CACNG5: variants seen among roughly 807,000 people sequenced by gnomAD.
CACNG5 encodes voltage-dependent calcium channel gamma-5 subunit.
CACNG5 carries 18 observed loss-of-function variants against 24.8 expected under a neutral mutation model. The observed-to-expected ratio is 0.73, with a 90% CI of 0.50 to 1.08. CACNG5 has a LOEUF of 1.08. Among genes scored for constraint, CACNG5 ranks in the 50% least tolerant of loss-of-function variants. The pLI, the probability that CACNG5 is intolerant of heterozygous loss-of-function variation, is 0.00. For synonymous variants in CACNG5, 157 were observed against 149.1 expected, an observed-to-expected ratio of 1.05 and a Z score of -0.39; for missense variants, 349 against 367.9, an observed-to-expected ratio of 0.95 and a Z score of 0.42.
Position 66,835,863 on chromosome 17 carries a change from G to A in CACNG5, c.-104+613G>A, listed in dbSNP as rs557154948. Among the ~76,000 whole-genome samples the A allele has an allele frequency of 2.0e-5, 3 of 152,128 alleles. No homozygotes were observed. The East Asian group carries it at 5.8e-4, about 29-fold the overall frequency. On this transcript the variant is annotated intron_variant, in intron 1 of 5. Coordinates refer to ENST00000533854, the MANE Select transcript of CACNG5 (RefSeq NM_145811.3). ...GGGGACCCCACCGCAGGTGCTGGGC[G>A]TGAGGTGTCAACCACCCAGGCACAC...
At position 66,887,004 on chromosome 17, in the gene CACNG5, C is replaced by T. The variant is rs1399714075; in HGVS notation, c.*1764C>T. Among the ~76,000 whole-genome samples the T allele has an allele frequency of 6.6e-6, 1 of 152,160 alleles. No homozygotes were observed. The highest frequency in any genetic ancestry group is 2.4e-5 in the African/African-American group (1 of 41,428). On this transcript the variant is annotated 3_prime_UTR_variant, in exon 6 of 6. Transcript: ENST00000533854. Reference sequence around the variant, plus strand: ...CCAGTCAGATTGGATTCGGGTCCATCCCCGATTAATTGGTGGTTAATTTTC... The same window carrying T: ...CCAGTCAGATTGGATTCGGGTCCATTCCCGATTAATTGGTGGTTAATTTTC...
Position 66,877,295 on chromosome 17 carries a change from G to T in CACNG5, c.-38G>T, listed in dbSNP as rs1327830487. The T allele has an allele frequency of 2.5e-6, 4 of 1,580,660 alleles. No individual in the cohort carries two copies. Among genetic ancestry groups the T allele is most frequent in the Non-Finnish European group, 3.5e-6 (4 of 1,154,954 alleles). On this transcript the variant is annotated 5_prime_UTR_variant, in exon 2 of 6. Transcript: ENST00000533854. ...CCCAGAGCGCAGTCCGTGCTGGTGG[G>T]AGCGTGGCGACTAGTTGCACAGCAA...
At chr17:66,858,567 G>A (rs1976812365) in intron 1 of CACNG5, among the ~76,000 whole-genome samples, 1 of 152,166 alleles carries the variant, frequency 6.6e-6, no homozygotes. Flanking sequence ...GGTGGCATGA[G>A]CCAGGCTGAG....
rs987020608 is a variant in CACNG5 at position 66,887,214 on chromosome 17, C to T, written c.*1974C>T. Among the ~76,000 whole-genome samples, 2 of 152,100 alleles carry T rather than the reference C, an allele frequency of 1.3e-5. No individual in the cohort carries two copies. The highest frequency in any genetic ancestry group is 4.8e-5 in the African/African-American group (2 of 41,416). ...GGGTAAGAGAAGCCAGTTCTGGTCC[C>T]AATTCAGCCACTCATTCACCACGAA... On this transcript the variant is annotated 3_prime_UTR_variant, in exon 6 of 6. Coordinates refer to ENST00000533854, the MANE Select transcript of CACNG5 (RefSeq NM_145811.3).
chr17:66,845,947 C>T (rs1185109433), intron 1 of CACNG5, among the ~76,000 whole-genome samples: 2 of 152,162 alleles, frequency 1.3e-5, no homozygotes, highest in East Asian at 1.9e-4. Flanking sequence ...GACCTGACCT[C>T]CTGCCTCTTG....
chr17:66,882,813 C>G (rs1977180570), intron 4 of CACNG5, among the ~76,000 whole-genome samples: 1 of 152,074 alleles, frequency 6.6e-6, no homozygotes, highest in Admixed American at 6.5e-5. Context: ...ACCAAGCATT[C>G]TGATTACCAC....
chr17:66,838,780 A>G (rs1976519425), intron 1 of CACNG5, among the ~76,000 whole-genome samples: 1 of 152,044 alleles, frequency 6.6e-6, no homozygotes, highest in South Asian at 2.1e-4. Flanking sequence ...AGCACCTGCT[A>G]TGCATGTGCT....
intron 1 of CACNG5, among the ~76,000 whole-genome samples, chr17:66,867,144 T>C (rs1976940533): frequency 1.3e-5 from 2 of 152,216 alleles, no homozygotes; most frequent in South Asian, 4.1e-4. Flanking sequence ...GTTTCTTGAC[T>C]TTTTAATAAT....
intron 1 of CACNG5, among the ~76,000 whole-genome samples, chr17:66,842,923 G>A (rs996030497): frequency 9.2e-5 from 14 of 152,308 alleles, no homozygotes; most frequent in Middle Eastern, 3.4e-3. Context: ...TGGGCAAGTG[G>A]GACAGATGGC....
Position 66,851,197 on chromosome 17 carries a change from C to T in CACNG5, c.-104+15947C>T, listed in dbSNP as rs1476639470. 5.9e-5 allele frequency among the ~76,000 whole-genome samples: 9 copies of T among 152,144 alleles called. No homozygotes were observed. In the East Asian group the frequency reaches 1.7e-3, roughly 29 times the overall value. ...AAACAAAGACCGAAGAATGAGCTGCCCACAGGTACAGAATCTAAGTTTCTA... is the reference window on the plus strand; with the variant it reads ...AAACAAAGACCGAAGAATGAGCTGCTCACAGGTACAGAATCTAAGTTTCTA... On this transcript the variant is annotated intron_variant, in intron 1 of 5. Coordinates refer to ENST00000533854, the MANE Select transcript of CACNG5 (RefSeq NM_145811.3).
chr17:66,888,508 C>T lies in CACNG5; in HGVS notation c.*3268C>T, dbSNP rs139074868. The stretch of plus-strand genomic sequence containing the variant: ...GCAGTGAGCCGAGATCGCACCACTG[C>T]ACTCCAGCCTGGGTGACAGAGCGAG... On this transcript the variant is annotated 3_prime_UTR_variant, in exon 6 of 6. Transcript: ENST00000533854. Among the ~76,000 whole-genome samples, 10,762 of 134,828 alleles carry T rather than the reference C, an allele frequency of 0.08. 719 individuals are homozygous for T. Among genetic ancestry groups the T allele is most frequent in the African/African-American group, 0.2 (7,003 of 35,660 alleles). The allele number at this position is 134,828 out of a possible 152,430, so 88.5% of individuals were successfully genotyped here.
Position 66,884,616 on chromosome 17 carries a change from T to C in CACNG5, c.525T>C (p.Tyr175=), listed in dbSNP as rs141709912. 7.7e-5 allele frequency: 124 copies of C among 1,614,152 alleles called. No homozygotes were observed. In the African/African-American group the frequency reaches 1.5e-3, roughly 19 times the overall value. The change falls in exon 5 of 6, where the codon TAT becomes TAC. Residue 175 remains tyrosine (Y), a synonymous_variant. Coordinates refer to ENST00000533854, the MANE Select transcript of CACNG5 (RefSeq NM_145811.3). ...KDAETYFNYK[Y]GWSFAFAAIS... ...CAGAGACCTACTTCAACTACAAGTATGGGTGGTCGTTTGCCTTCGCCGCCA... is the reference window on the plus strand; with the variant it reads ...CAGAGACCTACTTCAACTACAAGTACGGGTGGTCGTTTGCCTTCGCCGCCA...
intron 1 of CACNG5, among the ~76,000 whole-genome samples, chr17:66,851,333 G>A (rs1254670454): frequency 6.6e-6 from 1 of 152,206 alleles, no homozygotes; most frequent in Non-Finnish European, 1.5e-5. Context: ...CCACTTTCCA[G>A]AGACTCTTCC....
intron 1 of CACNG5, among the ~76,000 whole-genome samples, chr17:66,859,592 G>A (rs1976828263): frequency 6.6e-6 from 1 of 152,132 alleles, no homozygotes; most frequent in Non-Finnish European, 1.5e-5. Context: ...TCTGCACGGC[G>A]CCGAGGCTGG....
chr17:66,878,917 C>T (rs2286676), intron 2 of CACNG5, 55 bp from the exon 3 acceptor site: 675,584 of 1,401,088 alleles, frequency 0.48, 167,781 homozygotes, highest in African/African-American at 0.76. Context: ...TTGTATGGAC[C>T]AACTTCAAAT....
chr17:66,872,436 T>G (rs913155864), intron 1 of CACNG5, among the ~76,000 whole-genome samples: 5 of 152,116 alleles, frequency 3.3e-5, no homozygotes, highest in Admixed American at 2.0e-4. Context: ...CTGAAGACAC[T>G]GGGTGAGAGA....
chr17:66,848,486 A>G (rs541258438), intron 1 of CACNG5, among the ~76,000 whole-genome samples: 2 of 152,300 alleles, frequency 1.3e-5, no homozygotes, highest in African/African-American at 4.8e-5. Flanking sequence ...GTCACCTCAT[A>G]TTCCCTACCA....
In CACNG5 at chr17:66,891,984, C is replaced by T. The variant is rs1977351271; in HGVS notation, c.*6744C>T. ...TCTCTGAAATTTGTTTAAAGCTCTC[C>T]AGATGGTTCTAATGTGAAACCAGGG... On this transcript the variant is annotated 3_prime_UTR_variant, in exon 6 of 6. Coordinates refer to ENST00000533854, the MANE Select transcript of CACNG5 (RefSeq NM_145811.3). 1.3e-5 allele frequency among the ~76,000 whole-genome samples: 2 copies of T among 152,238 alleles called. 1 individual carries two copies. Among genetic ancestry groups the T allele is most frequent in the African/African-American group, 4.8e-5 (2 of 41,462 alleles).
intron 1 of CACNG5, among the ~76,000 whole-genome samples, chr17:66,859,250 T>C (rs1976824025): frequency 6.6e-6 from 1 of 152,158 alleles, no homozygotes; most frequent in South Asian, 2.1e-4. Flanking sequence ...TCATTTCTCT[T>C]TTTGTACTCA....
Sources: gnomAD v4.1 joint callset for allele counts (sites outside exome capture counted in the v4.1 genomes callset) on GRCh38, gnomAD v4.1.1 for gene constraint, MANE v1.5 for transcripts, NCBI Gene and HGNC (gene_info 2026-07-23, HGNC 2026-07-21) for gene names.